The following ABHD6 variants were observed in gnomAD, a reference collection of about 807,000 sequenced individuals.
The protein encoded by ABHD6 is monoacylglycerol lipase ABHD6.
A neutral mutation model predicts 38.8 loss-of-function variants in ABHD6; 33 were observed. The ratio of observed to expected loss-of-function variants is 0.85; its 90% CI spans 0.64 to 1.14. The LOEUF is 1.14. Ranked by LOEUF, ABHD6 falls within the 50% of genes most tolerant of loss-of-function variation. The pLI is 0.00. For missense variants in ABHD6, 380 were observed against 422.6 expected (o/e 0.90, Z 0.88); for synonymous variants, 147 against 161.6 (o/e 0.91, Z 0.69).
rs183959579 is a variant in ABHD6, at chr3:58,244,178, A to G, written c.-90-5700A>G. ...AAAATTGCAACTCTTAAGAGAGGCAATATCTCTTGAAATCAAAGCCAGTGA... is the reference window on the plus strand; with the variant it reads ...AAAATTGCAACTCTTAAGAGAGGCAGTATCTCTTGAAATCAAAGCCAGTGA... On this transcript the variant is annotated intron_variant, in intron 1 of 9. Coordinates refer to ENST00000478253, the MANE Select transcript of ABHD6 (RefSeq NM_001320126.2). 5.3e-5 allele frequency among the ~76,000 whole-genome samples: 8 copies of G among 152,332 alleles called. No individual in the cohort carries two copies. The South Asian group carries it at 6.2e-4, about 12-fold the overall frequency.
At position 58,289,854 on chromosome 3, in the gene ABHD6, C is replaced by T. The variant is rs1489099658; in HGVS notation, c.838-3735C>T. Among the ~76,000 whole-genome samples the T allele has an allele frequency of 6.4e-4, 81 of 127,336 alleles. 1 individual carries two copies. The highest frequency in any genetic ancestry group is 3.8e-3 in the Admixed American group (51 of 13,566). The allele number at this position is 127,336 out of a possible 152,430, so 83.5% of individuals were successfully genotyped here. A position where few individuals can be genotyped will look rare whatever the true frequency, so the allele number is the denominator to read the frequency against. On this transcript the variant is annotated intron_variant, in intron 9 of 9. Transcript: ENST00000478253. ...TCACCACCCGGACAGGGCGGCTGGCCGGGTAGGGGGCTGACCCCCCCACCT... is the reference window on the plus strand; with the variant it reads ...TCACCACCCGGACAGGGCGGCTGGCTGGGTAGGGGGCTGACCCCCCCACCT...
At chr3:58,261,302 CA>C (rs146972936) in intron 3 of ABHD6, among the ~76,000 whole-genome samples, 2 of 151,604 alleles carry the variant, frequency 1.3e-5, no homozygotes, top group African/African-American at 2.4e-5. Context: ...ATAGAAAGTC[CA>C]AAAAAAATCT....
chr3:58,244,212 A>T (rs2097424734), intron 1 of ABHD6, among the ~76,000 whole-genome samples: 1 of 152,208 alleles, frequency 6.6e-6, no homozygotes, highest in East Asian at 1.9e-4. Context: ...GATGTTAAGG[A>T]ACTGCTTGGA....
Position 58,269,070 on chromosome 3 carries a change from G to A in ABHD6, c.277-251G>A, listed in dbSNP as rs1034277570. 2.8e-4 allele frequency among the ~76,000 whole-genome samples: 42 copies of A among 152,138 alleles called. No homozygotes were observed. The highest frequency in any genetic ancestry group is 2.4e-3 in the Admixed American group (37 of 15,268). On this transcript the variant is annotated intron_variant, in intron 4 of 9. Transcript: ENST00000478253. This position sits in a 1 kb window ranked among gnomAD's most constrained non-coding sequence, Gnocchi z 4.4. ...GCAAGAGACTTAAGCCTGCTGCCCC[G>A]ACTTTGTCCCCTTTTTACAGGCATC... is the stretch of plus-strand genomic sequence containing the variant.
intron 2 of ABHD6, among the ~76,000 whole-genome samples, chr3:58,252,655 A>T (rs1263927800): frequency 6.6e-6 from 1 of 152,214 alleles, no homozygotes; most frequent in African/African-American, 2.4e-5. Context: ...TCTCCTGCTC[A>T]CTAAAGTCAT....
At chr3:58,276,794 A>G (rs1173867746) in intron 7 of ABHD6, among the ~76,000 whole-genome samples, 1 of 152,178 alleles carries the variant, frequency 6.6e-6, no homozygotes, top group East Asian at 1.9e-4. Context: ...TTTTTGTATA[A>G]GGTGTAAGGA....
At position 58,256,420 on chromosome 3, in the gene ABHD6, T is replaced by C. The variant is rs2097433376; in HGVS notation, c.-25-142T>C. On this transcript the variant is annotated intron_variant, in intron 2 of 9. Coordinates refer to ENST00000478253, the MANE Select transcript of ABHD6 (RefSeq NM_001320126.2). This position sits in a 1 kb window ranked among gnomAD's most constrained non-coding sequence, Gnocchi z 4.3. ...TTAGTTGTCATGTCTATTTGGTTTT[T>C]TGTAAAGCACTTGCCTGCTTTGGTT... The C allele has an allele frequency of 1.9e-6, 1 of 522,868 alleles. No homozygotes were observed. The highest frequency in any genetic ancestry group is 2.9e-5 in the South Asian group (1 of 34,788). 32.4% of individuals were successfully genotyped at this position (522,868 alleles called of 1,614,324 possible). A position where few individuals can be genotyped will look rare whatever the true frequency, so the allele number is the denominator to read the frequency against.
intron 4 of ABHD6, among the ~76,000 whole-genome samples, chr3:58,268,706 ATATC>A (rs1559777691): frequency 6.6e-6 from 1 of 152,142 alleles, no homozygotes; most frequent in East Asian, 1.9e-4. Flanking sequence ...CCTCAGATAA[ATATC>A]TTTCTTATAA....
In ABHD6 at chr3:58,269,330, A is replaced by G. The variant is rs753520030; in HGVS notation, c.286A>G (p.Lys96Glu). The G allele has an allele frequency of 1.9e-6, 3 of 1,613,548 alleles. No homozygotes were observed. The African/African-American group carries it at 4.0e-5, about 22-fold the overall frequency. Residue 96 changes from lysine to glutamate, a missense_variant, in exon 5 of 10, where the codon AAG becomes GAG. By Grantham distance (56) the Lys-to-Glu change is moderately conservative (BLOSUM62 1). Transcript: ENST00000478253. This position sits in a 1 kb window ranked among gnomAD's most constrained non-coding sequence, Gnocchi z 4.4. Reference protein sequence around the residue: ...MWLSVVKFLPKNLHLVCVDMP... With the variant: ...MWLSVVKFLPENLHLVCVDMP... ...GTCTGTGTGTCCTCAGTTCCTTCCA[A>G]AGAACCTGCACTTGGTCTGCGTGGA... is the stretch of plus-strand genomic sequence containing the variant.
chr3:58,289,035 T>A (rs2097459505), intron 9 of ABHD6, among the ~76,000 whole-genome samples: 1 of 152,064 alleles, frequency 6.6e-6, no homozygotes. Context: ...TGATTTTTGT[T>A]TTTTGTTGGG....
At chr3:58,270,906 A>G in intron 5 of ABHD6, 26 bp from the exon 6 acceptor site, 1 of 1,585,684 alleles carries the variant, frequency 6.3e-7, no homozygotes, top group Non-Finnish European at 8.6e-7. Context: ...TGTATAACCA[A>G]GCTGCTTTCT....
chr3:58,293,447 C>A lies in ABHD6; in HGVS notation c.838-142C>A. The A allele has an allele frequency of 1.2e-6, 1 of 805,612 alleles. No homozygotes were observed. The highest frequency in any genetic ancestry group is 1.9e-6 in the Non-Finnish European group (1 of 523,200). 49.9% of individuals were successfully genotyped at this position (805,612 alleles called of 1,614,324 possible). A position where few individuals can be genotyped will look rare whatever the true frequency, so the allele number is the denominator to read the frequency against. ...CCATTCAGACAGCCACAAGCCCCAA[C>A]ACCAAAGGGACTTGGTCCTAAAATT... On this transcript the variant is annotated intron_variant, in intron 9 of 9. Coordinates refer to ENST00000478253, the MANE Select transcript of ABHD6 (RefSeq NM_001320126.2). This position sits in a 1 kb window ranked among gnomAD's most constrained non-coding sequence, Gnocchi z 4.4.
chr3:58,288,546 A>G (rs1264202251), intron 9 of ABHD6, among the ~76,000 whole-genome samples: 1 of 152,216 alleles, frequency 6.6e-6, no homozygotes, highest in East Asian at 1.9e-4. Flanking sequence ...GGAGACCCAG[A>G]GTACACAGTG....
At chr3:58,245,303 T>C (rs2097425534) in intron 1 of ABHD6, among the ~76,000 whole-genome samples, 2 of 152,172 alleles carry the variant, frequency 1.3e-5, no homozygotes, top group Non-Finnish European at 2.9e-5. Flanking sequence ...TAGCTGAGAT[T>C]ACTGAGATGC....
rs1015030064 is a variant in ABHD6 at position 58,267,906 on chromosome 3, T to C, written c.276+561T>C. On this transcript the variant is annotated intron_variant, in intron 4 of 9. Coordinates refer to ENST00000478253, the MANE Select transcript of ABHD6 (RefSeq NM_001320126.2). This position sits in a 1 kb window ranked among gnomAD's most constrained non-coding sequence, Gnocchi z 4.3. ...ACCAGCCTGGGCAACATAGGGAGACTCCGTCTCTACAAAAAAATTAGCCAG... is the reference window on the plus strand; with the variant it reads ...ACCAGCCTGGGCAACATAGGGAGACCCCGTCTCTACAAAAAAATTAGCCAG... Among the ~76,000 whole-genome samples the C allele has an allele frequency of 6.6e-6, 1 of 151,844 alleles. No individual in the cohort carries two copies. The highest frequency in any genetic ancestry group is 2.1e-4 in the South Asian group (1 of 4,800).
At chr3:58,292,235 C>A (rs376548810) in intron 9 of ABHD6, among the ~76,000 whole-genome samples, 4 of 152,300 alleles carry the variant, frequency 2.6e-5, no homozygotes, top group African/African-American at 9.6e-5. Flanking sequence ...TACCTTAACT[C>A]CCCAGTGGGC....
At chr3:58,280,886 C>T (rs182751566) in intron 7 of ABHD6, among the ~76,000 whole-genome samples, 51 of 152,290 alleles carry the variant, frequency 3.3e-4, no homozygotes, top group African/African-American at 1.1e-3. Context: ...GCTGGAGGTC[C>T]GCTCCAGACC....
At position 58,263,689 on chromosome 3, in the gene ABHD6, G is replaced by A. The variant is rs1458150231; in HGVS notation, c.120-3500G>A. ...GCTGATGTATGTTGAGTATCCAGTAGTCTGCTGAAGTTTCACCTTTTCCAC... is the reference window on the plus strand; with the variant it reads ...GCTGATGTATGTTGAGTATCCAGTAATCTGCTGAAGTTTCACCTTTTCCAC... On this transcript the variant is annotated intron_variant, in intron 3 of 9. Transcript: ENST00000478253. The surrounding 1 kb of genome is among the most constrained non-coding windows in gnomAD (Gnocchi z 4.9). 6.6e-6 allele frequency among the ~76,000 whole-genome samples: 1 copy of A among 152,204 alleles called. No individual in the cohort carries two copies. Among genetic ancestry groups the A allele is most frequent in the African/African-American group, 2.4e-5 (1 of 41,446 alleles).
Position 58,285,507 on chromosome 3 carries a change from A to C in ABHD6, c.837+54A>C. On this transcript the variant is annotated intron_variant, in intron 9 of 9. Transcript: ENST00000478253. This position sits in a 1 kb window ranked among gnomAD's most constrained non-coding sequence, Gnocchi z 4.9. ...TGCTGGTCACCAGGGCCTCTGAGGA[A>C]AAACGTCCTTGAGGAAGAACAAGTG... 1 of 1,463,118 alleles carries C rather than the reference A, an allele frequency of 6.8e-7. No homozygotes were observed. Among genetic ancestry groups the C allele is most frequent in the Non-Finnish European group, 9.6e-7 (1 of 1,042,996 alleles). 90.6% of individuals were successfully genotyped at this position (1,463,118 alleles called of 1,614,324 possible). A position where few individuals can be genotyped will look rare whatever the true frequency, so the allele number is the denominator to read the frequency against.
Sources: gnomAD v4.1 joint callset for allele counts (sites outside exome capture counted in the v4.1 genomes callset) on GRCh38, gnomAD v4.1.1 for gene constraint, Gnocchi (gnomAD v3.1) non-coding constraint, MANE v1.5 for transcripts, NCBI Gene and HGNC (gene_info 2026-07-23, HGNC 2026-07-21) for gene names.